WWOX: variants seen among roughly 807,000 people sequenced by gnomAD.
WWOX encodes the protein WW domain-containing oxidoreductase.
Under a neutral mutation model 46.2 loss-of-function variants are expected in WWOX, and 69 were observed. That is an observed-to-expected ratio of 1.49 (90% CI 1.23 to 1.82). The LOEUF (loss-of-function observed/expected upper bound fraction) is 1.82. Among genes scored for constraint, WWOX ranks in the 40% most tolerant of loss-of-function variants. The pLI is 0.00. For missense variants in WWOX, 919 were observed against 542.6 expected (o/e 1.69, Z -6.89); for synonymous variants, 359 against 202.6 (o/e 1.77, Z -6.56).
chr16:78,812,035 A>G (rs72801050), intron 8 of WWOX, among the ~76,000 whole-genome samples: 40,819 of 151,926 alleles, frequency 0.27, 5,547 homozygotes, highest in East Asian at 0.36. Flanking sequence ...TACCCTCATC[A>G]TTGTTTACCC....
At chr16:78,520,029 A>T (rs535819899) in intron 8 of WWOX, among the ~76,000 whole-genome samples, 1 of 152,200 alleles carries the variant, frequency 6.6e-6, no homozygotes, top group Non-Finnish European at 1.5e-5. Flanking sequence ...TACTGTGACC[A>T]TGCAGTCATT....
At chr16:78,610,964 T>C (rs1030552390) in intron 8 of WWOX, among the ~76,000 whole-genome samples, 10 of 152,088 alleles carry the variant, frequency 6.6e-5, no homozygotes, top group Non-Finnish European at 1.3e-4. Context: ...TTTCTTAACA[T>C]TAAAAACAAC....
intron 8 of WWOX, among the ~76,000 whole-genome samples, chr16:78,981,405 C>T (rs59357646): frequency 0.088 from 13,248 of 151,348 alleles, 823 homozygotes; most frequent in East Asian, 0.3. Flanking sequence ...CCATGCAGCA[C>T]GTATCACATC....
At chr16:79,067,613 T>G (rs7189207) in intron 8 of WWOX, among the ~76,000 whole-genome samples, 7,792 of 114,502 alleles carry the variant, frequency 0.068, 249 homozygotes, top group South Asian at 0.12. Flanking sequence ...GTTTTTAATT[T>G]GTGCGTGTGG....
At chr16:78,886,848 T>G (rs942160091) in intron 8 of WWOX, among the ~76,000 whole-genome samples, 4 of 152,006 alleles carry the variant, frequency 2.6e-5, no homozygotes, top group Non-Finnish European at 4.4e-5. Flanking sequence ...TGGAAAGCTT[T>G]GTTAGAGTCT....
chr16:78,464,495 G>C (rs2084026245), intron 8 of WWOX, among the ~76,000 whole-genome samples: 1 of 152,150 alleles, frequency 6.6e-6, no homozygotes, highest in African/African-American at 2.4e-5. Flanking sequence ...AAACTACTAG[G>C]ATTTCTTGGG....
intron 8 of WWOX, among the ~76,000 whole-genome samples, chr16:78,951,833 G>T (rs748434489): frequency 2.0e-5 from 3 of 152,162 alleles, no homozygotes; most frequent in Non-Finnish European, 4.4e-5. Context: ...GTAAGAGGCA[G>T]TTCCTGGCAC....
intron 2 of WWOX, among the ~76,000 whole-genome samples, chr16:78,108,946 C>G (rs2032322916): frequency 6.6e-6 from 1 of 152,186 alleles, no homozygotes; most frequent in Non-Finnish European, 1.5e-5. Flanking sequence ...CAAGATCACA[C>G]CACTGCGCTC....
chr16:79,094,507 C>T (rs1352801199), intron 8 of WWOX, among the ~76,000 whole-genome samples: 1 of 152,192 alleles, frequency 6.6e-6, no homozygotes, highest in Non-Finnish European at 1.5e-5. Flanking sequence ...CCACCTCGGC[C>T]TCCCAAAGTG....
chr16:79,135,124 C>G (rs932559129), intron 8 of WWOX, among the ~76,000 whole-genome samples: 2 of 151,942 alleles, frequency 1.3e-5, no homozygotes, highest in Non-Finnish European at 2.9e-5. Flanking sequence ...TTTTCTTCTT[C>G]TCAGGAAATG....
At chr16:79,199,436 C>G (rs781773407) in intron 8 of WWOX, among the ~76,000 whole-genome samples, 1 of 152,162 alleles carries the variant, frequency 6.6e-6, no homozygotes, top group East Asian at 1.9e-4. Context: ...GGTGGACCCT[C>G]ACAGAAAGCG....
At chr16:78,210,017 A>T (rs2036508282) in intron 5 of WWOX, among the ~76,000 whole-genome samples, 1 of 152,194 alleles carries the variant, frequency 6.6e-6, no homozygotes, top group Admixed American at 6.5e-5. Flanking sequence ...ACTGGAAAAA[A>T]GTACGAGAAA....
At chr16:78,700,172 G>T (rs1269073184) in intron 8 of WWOX, among the ~76,000 whole-genome samples, 2 of 151,990 alleles carry the variant, frequency 1.3e-5, no homozygotes, top group Admixed American at 6.6e-5. Flanking sequence ...CGTTGACTGG[G>T]TGGCTTGATT....
At chr16:78,700,436 C>G (rs1371781213) in intron 8 of WWOX, among the ~76,000 whole-genome samples, 1 of 151,926 alleles carries the variant, frequency 6.6e-6, no homozygotes, top group African/African-American at 2.4e-5. Context: ...GGCCCTACCT[C>G]CAAACACCAT....
intron 8 of WWOX, among the ~76,000 whole-genome samples, chr16:79,011,504 T>TTTATTTAC (rs1461373991): frequency 6.8e-6 from 1 of 147,800 alleles, no homozygotes; most frequent in South Asian, 2.2e-4. Flanking sequence ...TATTTATTTA[T>TTTATTTAC]TTTTTGAGAC....
chr16:78,137,975 G>A (rs1648496767), intron 4 of WWOX, among the ~76,000 whole-genome samples: 1 of 150,800 alleles, frequency 6.6e-6, no homozygotes, highest in Non-Finnish European at 1.5e-5. Context: ...GAGTGGGTGA[G>A]CAAACCATTG....
At chr16:78,753,527 C>T (rs1022609155) in intron 8 of WWOX, among the ~76,000 whole-genome samples, 4 of 151,956 alleles carry the variant, frequency 2.6e-5, no homozygotes, top group South Asian at 2.1e-4. Context: ...TGCCCAGGTG[C>T]AGTGGCTCAT....
At chr16:79,147,717 A>G (rs1231955662) in intron 8 of WWOX, among the ~76,000 whole-genome samples, 1 of 152,120 alleles carries the variant, frequency 6.6e-6, no homozygotes. Flanking sequence ...TTGGTGATCT[A>G]GTTTCACTAT....
chr16:78,428,631 C>T (rs761146968), intron 7 of WWOX, among the ~76,000 whole-genome samples: 4 of 152,220 alleles, frequency 2.6e-5, no homozygotes, highest in Non-Finnish European at 5.9e-5. Context: ...TCCTCTTAGA[C>T]ATTTAATTCA....
Sources: allele counts gnomAD v4.1 joint callset (sites outside exome capture counted in the v4.1 genomes callset), GRCh38; gene constraint gnomAD v4.1.1; transcripts MANE v1.5; gene names NCBI Gene and HGNC (gene_info 2026-07-23, HGNC 2026-07-21).